Variants in CADM2 observed in about 807,000 individuals in gnomAD.
The protein encoded by CADM2 is cell adhesion molecule 2, also known as immunoglobulin superfamily member 4D.
A neutral mutation model predicts 49.8 loss-of-function variants in CADM2; 12 were observed. The observed-to-expected ratio is 0.24, with a 90% CI of 0.15 to 0.39. The LOEUF is 0.39. Ranked by LOEUF, CADM2 falls within the 10% of genes least tolerant of loss-of-function variation. The probability of loss-of-function intolerance (pLI) is 1.00; values close to 1 mark genes in which losing one functional copy is unlikely to be tolerated. For synonymous variants in CADM2, 214 were observed against 175.4 expected, an observed-to-expected ratio of 1.22 and a Z score of -1.74; for missense variants, 378 against 492.3, an observed-to-expected ratio of 0.77 and a Z score of 2.20.
At chr3:85,991,611 C>T (rs1728777327) in intron 8 of CADM2, among the ~76,000 whole-genome samples, 1 of 152,026 alleles carries the variant, frequency 6.6e-6, no homozygotes, top group Non-Finnish European at 1.5e-5. Context: ...GCATGATATG[C>T]AAGTTATAGT....
intron 1 of CADM2, among the ~76,000 whole-genome samples, chr3:85,275,775 A>T: frequency 6.6e-6 from 1 of 151,070 alleles, no homozygotes; most frequent in East Asian, 1.9e-4. Flanking sequence ...TATATATATA[A>T]AATAATAAGT....
At chr3:85,276,426 C>T (rs1338198321) in intron 1 of CADM2, among the ~76,000 whole-genome samples, 1 of 151,314 alleles carries the variant, frequency 6.6e-6, no homozygotes, top group Non-Finnish European at 1.5e-5. Context: ...TACATCCTTG[C>T]TATTCACTAT....
At position 85,809,763 on chromosome 3, in the gene CADM2, C is replaced by CCTCTCT. The variant is rs575170244; in HGVS notation, c.238+7592_238+7597dup. ...TCCCTCCTCTCTCCCTCCCTCCCTC[C>CCTCTCT]CTCTCTCTCTCTCTCTCTCTCTCTC... is the stretch of plus-strand genomic sequence containing the variant. On this transcript the variant is annotated intron_variant, in intron 3 of 9. Transcript: ENST00000383699. 5.4e-4 allele frequency among the ~76,000 whole-genome samples: 28 copies of CCTCTCT among 51,928 alleles called. 1 individual carries two copies. Among genetic ancestry groups the CCTCTCT allele is most frequent in the African/African-American group, 2.8e-3 (16 of 5,656 alleles). The allele number at this position is 51,928 out of a possible 152,430, so 34.1% of individuals were successfully genotyped here.
chr3:85,970,596 TTAAC>T (rs1726005759), intron 8 of CADM2, among the ~76,000 whole-genome samples: 1 of 151,534 alleles, frequency 6.6e-6, no homozygotes, highest in Non-Finnish European at 1.5e-5. Context: ...TAATTTTTAT[TTAAC>T]TAAACTTTTG....
intron 1 of CADM2, among the ~76,000 whole-genome samples, chr3:85,036,526 C>T (rs1336860246): frequency 6.6e-6 from 1 of 151,462 alleles, no homozygotes; most frequent in African/African-American, 2.4e-5. Flanking sequence ...ACTCAGGAGA[C>T]TAGGATAGTT....
intron 1 of CADM2, among the ~76,000 whole-genome samples, chr3:85,438,849 A>G (rs1477958775): frequency 6.6e-6 from 1 of 151,594 alleles, no homozygotes; most frequent in Admixed American, 6.6e-5. Context: ...ATATTTATTT[A>G]TTTATTATTT....
chr3:85,822,555 G>A (rs1311064490), intron 3 of CADM2, among the ~76,000 whole-genome samples: 1 of 152,076 alleles, frequency 6.6e-6, no homozygotes, highest in Non-Finnish European at 1.5e-5. Context: ...CTGCACTCCA[G>A]CCTAGGCGAC....
chr3:86,068,148 A>G lies in CADM2; in HGVS notation c.*1365A>G, dbSNP rs1458490676. The G allele has an allele frequency of 1.3e-5, 2 of 152,442 alleles. No individual in the cohort carries two copies. The highest frequency in any genetic ancestry group is 2.9e-5 in the Non-Finnish European group (2 of 67,866). 9.4% of individuals were successfully genotyped at this position (152,442 alleles called of 1,614,324 possible). Reference sequence around the variant, plus strand: ...CCTGTCTATGCATTTTGTGAGGTACAAACTGATGAAACAGTGAGTGATAGA... The same window carrying G: ...CCTGTCTATGCATTTTGTGAGGTACGAACTGATGAAACAGTGAGTGATAGA... On this transcript the variant is annotated 3_prime_UTR_variant, in exon 10 of 10. Transcript: ENST00000383699.
At chr3:85,045,774 T>C (rs1236061330) in intron 1 of CADM2, among the ~76,000 whole-genome samples, 5 of 152,100 alleles carry the variant, frequency 3.3e-5, no homozygotes, top group Admixed American at 6.6e-5. Flanking sequence ...TAAGCAGATA[T>C]GTGATATCAG....
chr3:85,712,978 T>C (rs1179458045), intron 1 of CADM2, among the ~76,000 whole-genome samples: 1 of 152,224 alleles, frequency 6.6e-6, no homozygotes, highest in Non-Finnish European at 1.5e-5. Flanking sequence ...ATGTCATGTA[T>C]ACTGCCCTTA....
intron 1 of CADM2, among the ~76,000 whole-genome samples, chr3:85,109,812 T>A (rs1240893458): frequency 2.0e-5 from 3 of 152,036 alleles, no homozygotes; most frequent in Non-Finnish European, 2.9e-5. Context: ...CCATGTATAA[T>A]CAACTAACAT....
At chr3:85,026,054 T>A (rs2034713824) in intron 1 of CADM2, among the ~76,000 whole-genome samples, 1 of 152,150 alleles carries the variant, frequency 6.6e-6, no homozygotes, top group Non-Finnish European at 1.5e-5. Context: ...TGACTAACAC[T>A]AAATAACCAG....
chr3:86,052,852 TTC>T (rs1737501954), intron 8 of CADM2, among the ~76,000 whole-genome samples: 1 of 152,154 alleles, frequency 6.6e-6, no homozygotes, highest in Non-Finnish European at 1.5e-5. Flanking sequence ...CTTACAAACT[TTC>T]TTTTTCTTTC....
intron 1 of CADM2, among the ~76,000 whole-genome samples, chr3:84,961,323 A>ACTG (rs1450455451): frequency 6.6e-6 from 1 of 152,214 alleles, no homozygotes; most frequent in Non-Finnish European, 1.5e-5. Context: ...TTCCTGAATT[A>ACTG]ACTAACTGAC....
intron 2 of CADM2, among the ~76,000 whole-genome samples, chr3:85,784,527 TA>T (rs1369007951): frequency 1.5e-5 from 2 of 132,622 alleles, no homozygotes; most frequent in African/African-American, 6.4e-5. Flanking sequence ...GATCTAAATA[TA>T]TTTATCTATC....
chr3:85,646,894 G>A (rs2064904489), intron 1 of CADM2, among the ~76,000 whole-genome samples: 1 of 151,832 alleles, frequency 6.6e-6, no homozygotes, highest in Non-Finnish European at 1.5e-5. Flanking sequence ...TCTTTGGACT[G>A]TCTTTATATC....
chr3:85,030,089 C>G (rs909809408), intron 1 of CADM2, among the ~76,000 whole-genome samples: 3 of 152,168 alleles, frequency 2.0e-5, no homozygotes, highest in Non-Finnish European at 4.4e-5. Flanking sequence ...GTCCCCAGGA[C>G]GTAATCGTTT....
chr3:85,035,233 C>CAAAA, intron 1 of CADM2, among the ~76,000 whole-genome samples: 1 of 152,062 alleles, frequency 6.6e-6, no homozygotes, highest in African/African-American at 2.4e-5. Context: ...TGATAATTGT[C>CAAAA]TATTCATATT....
intron 1 of CADM2, among the ~76,000 whole-genome samples, chr3:85,081,973 A>T (rs145614427): frequency 6.6e-6 from 1 of 152,244 alleles, no homozygotes; most frequent in East Asian, 1.9e-4. Context: ...AATATCAAAA[A>T]AACTTTCATA....
Sources: gnomAD v4.1 joint callset for allele counts (sites outside exome capture counted in the v4.1 genomes callset) on GRCh38, gnomAD v4.1.1 for gene constraint, MANE v1.5 for transcripts, NCBI Gene and HGNC (gene_info 2026-07-23, HGNC 2026-07-21) for gene names.